Variants in AOX1 observed in about 807,000 individuals in gnomAD.
The protein encoded by AOX1 is aldehyde oxidase 1.
AOX1 carries 153 observed loss-of-function variants against 169.5 expected under a neutral mutation model. The ratio of observed to expected loss-of-function variants is 0.90; its 90% confidence interval spans 0.79 to 1.03. The LOEUF (loss-of-function observed/expected upper bound fraction) is 1.03, where lower values mean the gene tolerates loss of function less well. AOX1 is among the 50% of genes least tolerant of loss of function. The probability of loss-of-function intolerance (pLI) is 0.00; values close to 1 mark genes in which losing one functional copy is unlikely to be tolerated. For missense variants in AOX1, 1,656 were observed against 1,663.9 expected (o/e 1.00, Z 0.08); for synonymous variants, 562 against 581.9 (o/e 0.97, Z 0.49).
At chr2:200,646,441 A>G (rs757075855) in intron 25 of AOX1, among the ~76,000 whole-genome samples, 19 of 151,884 alleles carry the variant, frequency 1.3e-4, no homozygotes, top group African/African-American at 2.2e-4. Flanking sequence ...TATAATTTCA[A>G]TTTTCTTAAA....
chr2:200,665,866 T>C (rs760084525), intron 31 of AOX1, among the ~76,000 whole-genome samples: 1 of 152,234 alleles, frequency 6.6e-6, no homozygotes, highest in Non-Finnish European at 1.5e-5. Context: ...ACTTTACATT[T>C]TACTGTGTGT....
chr2:200,630,616 A>AGGAAAGACAAGGGAAG (rs1161237922), intron 20 of AOX1, among the ~76,000 whole-genome samples: 3 of 151,330 alleles, frequency 2.0e-5, no homozygotes, highest in African/African-American at 7.3e-5. Context: ...AGAAAAGAAA[A>AGGAAAGACAAGGGAAG]GGAAAGACAA....
chr2:200,657,853 A>G (rs2035725279), intron 27 of AOX1, among the ~76,000 whole-genome samples: 1 of 152,216 alleles, frequency 6.6e-6, no homozygotes, highest in Non-Finnish European at 1.5e-5. Flanking sequence ...CACCACATAG[A>G]ATAATCATTA....
chr2:200,644,850 C>T (rs1208467787), intron 25 of AOX1, among the ~76,000 whole-genome samples: 1 of 152,002 alleles, frequency 6.6e-6, no homozygotes, highest in Admixed American at 6.6e-5. Context: ...TCTGCTTGGT[C>T]GCCATTGGTG....
In AOX1 at chr2:200,608,096, G is replaced by A. The variant is rs1405071077; in HGVS notation, c.908-888G>A. On this transcript the variant is annotated intron_variant, in intron 10 of 34. Transcript: ENST00000374700. ...ACATGTATACCTATGTAACAAACCT[G>A]CACATTCTGTACATGTATCCTAGAA... 2.6e-5 allele frequency among the ~76,000 whole-genome samples: 4 copies of A among 152,118 alleles called. No homozygotes were observed. The East Asian group carries it at 7.7e-4, about 29-fold the overall frequency.
intron 23 of AOX1, among the ~76,000 whole-genome samples, chr2:200,640,751 G>T (rs965698818): frequency 2.6e-5 from 4 of 152,150 alleles, no homozygotes; most frequent in African/African-American, 7.2e-5. Context: ...TCATAATGGT[G>T]ACTAAAACTA....
intron 9 of AOX1, among the ~76,000 whole-genome samples, chr2:200,605,070 G>A (rs1279769447): frequency 8.5e-5 from 13 of 152,290 alleles, no homozygotes; most frequent in East Asian, 1.9e-4. Context: ...GAGTTGTACC[G>A]AAGGGGCTTG....
chr2:200,598,297 T>C (rs543686898), intron 4 of AOX1, among the ~76,000 whole-genome samples: 1 of 152,244 alleles, frequency 6.6e-6, no homozygotes, highest in Non-Finnish European at 1.5e-5. Flanking sequence ...CAAAAAGCTT[T>C]GTTATATTTA....
Position 200,599,751 on chromosome 2 carries a change from GT to G in AOX1, c.436+7del. ...AGTTAACTGATGCCCTTGGTGGTAG[GT>G]TATATATGCATGCTTTTATTTTTTA... is the stretch of plus-strand genomic sequence containing the variant. On this transcript the variant is annotated splice_donor_region_variant and intron_variant, in intron 5 of 34. Coordinates refer to ENST00000374700, the MANE Select transcript of AOX1 (RefSeq NM_001159.4). 6.6e-7 allele frequency: 1 copy of G among 1,522,838 alleles called. No homozygotes were observed. Among genetic ancestry groups the G allele is most frequent in the Non-Finnish European group, 8.8e-7 (1 of 1,140,224 alleles). The allele number at this position is 1,522,838 out of a possible 1,614,324, so 94.3% of individuals were successfully genotyped here. A position where few individuals can be genotyped will look rare whatever the true frequency, so the allele number is the denominator to read the frequency against.
At chr2:200,637,086 T>G in intron 22 of AOX1, 42 bp downstream of exon 22, 1 of 1,609,896 alleles carries the variant, frequency 6.2e-7, no homozygotes, top group Non-Finnish European at 8.5e-7. Context: ...GAAGTCACAC[T>G]GAAAGTTCTC....
chr2:200,604,036 C>T lies in AOX1; in HGVS notation c.608C>T (p.Ala203Val). 1 of 1,612,234 alleles carries T rather than the reference C, an allele frequency of 6.2e-7. No individual in the cohort carries two copies. The highest frequency in any genetic ancestry group is 8.5e-7 in the Non-Finnish European group (1 of 1,178,308). Residue 203 changes from alanine (A) to valine (V), a missense_variant, in exon 8 of 35, where the codon GCA becomes GTA. Transcript: ENST00000374700. ...TTTTAGACAAGTCCAAAACTCTTCG[C>T]AGAAGAGGAGTTTCTGCCATTGGAT... is the stretch of plus-strand genomic sequence containing the variant. Reference protein sequence around the residue: ...EGSKTSPKLFAEEEFLPLDPT... With the variant: ...EGSKTSPKLFVEEEFLPLDPT...
intron 6 of AOX1, among the ~76,000 whole-genome samples, chr2:200,602,930 TAAC>T (rs970796479): frequency 8.5e-5 from 13 of 152,300 alleles, no homozygotes; most frequent in Non-Finnish European, 1.2e-4. Flanking sequence ...GTGATGACAA[TAAC>T]AATACCTGTT....
intron 12 of AOX1, among the ~76,000 whole-genome samples, chr2:200,610,839 T>A (rs531693715): frequency 6.6e-6 from 1 of 152,286 alleles, no homozygotes; most frequent in Non-Finnish European, 1.5e-5. Context: ...CATCTATTTT[T>A]TAAATCTATT....
At chr2:200,589,083 G>A (rs1047623182) in intron 1 of AOX1, among the ~76,000 whole-genome samples, 5 of 152,148 alleles carry the variant, frequency 3.3e-5, no homozygotes, top group African/African-American at 1.2e-4. Context: ...TGAAAAAGAA[G>A]CTTAGAAGTG....
intron 26 of AOX1, among the ~76,000 whole-genome samples, chr2:200,654,258 C>T (rs1352542233): frequency 6.7e-6 from 1 of 149,616 alleles, no homozygotes; most frequent in Non-Finnish European, 1.5e-5. Flanking sequence ...TTACAACTAC[C>T]TCCTCAATCG....
intron 20 of AOX1, among the ~76,000 whole-genome samples, chr2:200,631,652 C>T (rs994967437): frequency 1.6e-4 from 24 of 152,190 alleles, no homozygotes; most frequent in Middle Eastern, 3.4e-3. Context: ...GGGGGCACTA[C>T]GGGTGGGGGC....
chr2:200,619,901 C>T (rs1421670738), intron 16 of AOX1, among the ~76,000 whole-genome samples: 5 of 152,104 alleles, frequency 3.3e-5, no homozygotes, highest in Non-Finnish European at 7.3e-5. Flanking sequence ...AACATAGTCA[C>T]GATATCATCA....
intron 23 of AOX1, among the ~76,000 whole-genome samples, chr2:200,639,715 T>G (rs1295323967): frequency 6.6e-6 from 1 of 151,964 alleles, no homozygotes; most frequent in Non-Finnish European, 1.5e-5. Flanking sequence ...TATAGGCACT[T>G]TGTTAAAGAA....
chr2:200,636,891 A>G lies in AOX1; in HGVS notation c.2347-20A>G. On this transcript the variant is annotated intron_variant, in intron 21 of 34. Coordinates refer to ENST00000374700, the MANE Select transcript of AOX1 (RefSeq NM_001159.4). ...TTGCTGAAGATGGATCAGATTAATC[A>G]GAACTATTATTGTTCACAGGACATT... 1 of 1,607,770 alleles carries G rather than the reference A, an allele frequency of 6.2e-7. No homozygotes were observed. Among genetic ancestry groups the G allele is most frequent in the African/African-American group, 1.3e-5 (1 of 74,794 alleles).
Sources: gnomAD v4.1 joint callset for allele counts (sites outside exome capture counted in the v4.1 genomes callset) on GRCh38, gnomAD v4.1.1 for gene constraint, MANE v1.5 for transcripts, NCBI Gene and HGNC (gene_info 2026-07-23, HGNC 2026-07-21) for gene names.